Variants in KLHL1 observed in about 807,000 individuals in gnomAD.
KLHL1 encodes the protein kelch-like protein 1.
In KLHL1, 47 loss-of-function variants were observed where a neutral mutation model predicts 77.7. That is an observed-to-expected ratio of 0.60 (90% CI 0.48 to 0.77). KLHL1 has a LOEUF of 0.77. Ranked by LOEUF, KLHL1 falls within the 30% of genes least tolerant of loss-of-function variation. The pLI is 0.00. For missense variants in KLHL1, 925 were observed against 910.8 expected, an observed-to-expected ratio of 1.02 and a Z score of -0.20; for synonymous variants, 360 against 325.2, an observed-to-expected ratio of 1.11 and a Z score of -1.15.
At chr13:70,025,767 T>C (rs755769775) in intron 1 of KLHL1, among the ~76,000 whole-genome samples, 43 of 152,104 alleles carry the variant, frequency 2.8e-4, no homozygotes, top group Admixed American at 5.9e-4. Flanking sequence ...TATATATTTT[T>C]ATACTTGTTC....
intron 7 of KLHL1, among the ~76,000 whole-genome samples, chr13:69,762,395 G>T (rs575700584): frequency 5.3e-5 from 8 of 152,090 alleles, no homozygotes; most frequent in African/African-American, 1.9e-4. Context: ...ACTAAGTGCT[G>T]CAAGGCTTTA....
At chr13:69,969,020 C>T (rs1344317403) in intron 2 of KLHL1, among the ~76,000 whole-genome samples, 1 of 150,932 alleles carries the variant, frequency 6.6e-6, no homozygotes, top group African/African-American at 2.4e-5. Context: ...GAAGTTAGAT[C>T]AATACAGGAA....
rs1878451988 is a variant in KLHL1 at position 69,824,121 on chromosome 13, A to C, written c.1414+14855T>G. On this transcript the variant is annotated intron_variant, in intron 6 of 10. Coordinates refer to ENST00000377844, the MANE Select transcript of KLHL1 (RefSeq NM_020866.3). ...AGACATCAAGACTACTTGAGTGTGA[A>C]ACAGTGCTAACATAAAATTTTTCAA... Among the ~76,000 whole-genome samples the C allele has an allele frequency of 2.0e-5, 3 of 152,146 alleles. No homozygotes were observed. The South Asian group carries it at 6.2e-4, about 32-fold the overall frequency.
chr13:70,070,998 CAAAA>C (rs1173016005), intron 1 of KLHL1, among the ~76,000 whole-genome samples: 15 of 151,136 alleles, frequency 9.9e-5, no homozygotes. Context: ...AATCGGAAGA[CAAAA>C]AAGTAACAAG....
chr13:69,889,463 C>T (rs1032603841), intron 4 of KLHL1, among the ~76,000 whole-genome samples: 12 of 152,092 alleles, frequency 7.9e-5, no homozygotes, highest in Non-Finnish European at 1.8e-4. Flanking sequence ...GCCTATGACA[C>T]TTTCCATTAC....
intron 1 of KLHL1, among the ~76,000 whole-genome samples, chr13:70,091,649 T>G (rs1887675432): frequency 6.6e-6 from 1 of 152,150 alleles, no homozygotes; most frequent in Admixed American, 6.6e-5. Flanking sequence ...ATCAATCTGC[T>G]GCAGGAGTAC....
At chr13:70,107,095 C>G in intron 1 of KLHL1, 108 bp downstream of exon 1, 1 of 1,488,334 alleles carries the variant, frequency 6.7e-7, no homozygotes, top group Non-Finnish European at 9.0e-7. Context: ...ATCTCTTAAC[C>G]CACATTTTCA....
chr13:69,871,726 CTTT>C (rs76951131), intron 5 of KLHL1, among the ~76,000 whole-genome samples: 2 of 141,962 alleles, frequency 1.4e-5, no homozygotes, highest in Non-Finnish European at 1.5e-5. Context: ...ATTCGGCCAA[CTTT>C]TTTTTTTTTT....
intron 7 of KLHL1, among the ~76,000 whole-genome samples, chr13:69,770,425 G>A (rs1305237890): frequency 6.6e-6 from 1 of 152,230 alleles, no homozygotes; most frequent in African/African-American, 2.4e-5. Flanking sequence ...TTGACAAGCT[G>A]TGAATGCATT....
At chr13:70,057,954 C>G (rs545832349) in intron 1 of KLHL1, among the ~76,000 whole-genome samples, 73 of 152,080 alleles carry the variant, frequency 4.8e-4, no homozygotes, top group African/African-American at 1.7e-3. Flanking sequence ...CCAACATGTA[C>G]AAATCAATCA....
At chr13:69,795,317 A>G (rs1877055939) in intron 7 of KLHL1, among the ~76,000 whole-genome samples, 1 of 152,176 alleles carries the variant, frequency 6.6e-6, no homozygotes, top group East Asian at 1.9e-4. Context: ...TGGAGTAGAC[A>G]TGAATGCAAA....
chr13:69,940,036 T>G lies in KLHL1; in HGVS notation c.1014+4A>C. 1 of 1,593,980 alleles carries G rather than the reference T, an allele frequency of 6.3e-7. No homozygotes were observed. The highest frequency in any genetic ancestry group is 8.6e-7 in the Non-Finnish European group (1 of 1,168,846). ...TCCATTATTAAAACATTAAGTTTCC[T>G]TACCATTGTGTAGCTGTGGGCCACC... On this transcript the variant is annotated splice_donor_region_variant and intron_variant, in intron 4 of 10. Transcript: ENST00000377844.
At chr13:70,044,019 G>T (rs1370734601) in intron 1 of KLHL1, among the ~76,000 whole-genome samples, 1 of 152,130 alleles carries the variant, frequency 6.6e-6, no homozygotes, top group Non-Finnish European at 1.5e-5. Context: ...CCTATAAAAA[G>T]TAAATTCCCG....
intron 10 of KLHL1, among the ~76,000 whole-genome samples, chr13:69,702,097 T>C (rs557170946): frequency 2.0e-5 from 3 of 151,868 alleles, no homozygotes; most frequent in South Asian, 2.1e-4. Flanking sequence ...TAATATTTCA[T>C]AGTGATAGCT....
At chr13:70,085,589 C>T (rs1432702571) in intron 1 of KLHL1, among the ~76,000 whole-genome samples, 1 of 152,112 alleles carries the variant, frequency 6.6e-6, no homozygotes, top group African/African-American at 2.4e-5. Context: ...ATGGGCTGGG[C>T]GCAGTGGCTC....
intron 1 of KLHL1, among the ~76,000 whole-genome samples, chr13:70,061,014 A>T (rs1016652235): frequency 2.6e-5 from 4 of 152,084 alleles, no homozygotes; most frequent in African/African-American, 7.2e-5. Context: ...CATTTGTGGG[A>T]GCTAAAATTA....
intron 1 of KLHL1, among the ~76,000 whole-genome samples, chr13:70,096,090 C>T (rs1252159614): frequency 2.6e-5 from 4 of 151,906 alleles, no homozygotes; most frequent in Admixed American, 2.6e-4. Context: ...ATCCATTTGT[C>T]CAGTGATCAA....
chr13:70,066,558 TA>T (rs1678153570), intron 1 of KLHL1, among the ~76,000 whole-genome samples: 1 of 152,236 alleles, frequency 6.6e-6, no homozygotes, highest in African/African-American at 2.4e-5. Context: ...AAACTCTGTT[TA>T]CTACCTCCAT....
intron 3 of KLHL1, among the ~76,000 whole-genome samples, chr13:69,947,148 C>T (rs962395283): frequency 6.7e-6 from 1 of 149,432 alleles, no homozygotes; most frequent in African/African-American, 2.5e-5. Flanking sequence ...CATTCTGAAC[C>T]CTGTTGATAT....
Sources: gnomAD v4.1 joint callset for allele counts (sites outside exome capture counted in the v4.1 genomes callset) on GRCh38, gnomAD v4.1.1 for gene constraint, MANE v1.5 for transcripts, NCBI Gene and HGNC (gene_info 2026-07-23, HGNC 2026-07-21) for gene names.